KIF19: variants seen among roughly 807,000 people sequenced by gnomAD.
KIF19 encodes the protein kinesin-like protein KIF19.
Under a neutral mutation model 106.6 loss-of-function variants are expected in KIF19, and 98 were observed. The observed-to-expected ratio is 0.92, with a 90% CI of 0.78 to 1.09. The LOEUF (loss-of-function observed/expected upper bound fraction) is 1.09. Ranked by LOEUF, KIF19 falls within the 50% of genes least tolerant of loss-of-function variation. KIF19 has a pLI of 0.00. For synonymous variants in KIF19, 516 were observed against 584.2 expected, an observed-to-expected ratio of 0.88 and a Z score of 1.68; for missense variants, 1,373 against 1,414.3, an observed-to-expected ratio of 0.97 and a Z score of 0.47.
rs577100138 is a variant in KIF19, at chr17:74,342,943, C to A, written c.320-81C>A. 1.2e-5 allele frequency: 17 copies of A among 1,472,944 alleles called. No individual in the cohort carries two copies. In the East Asian group the frequency reaches 2.2e-4, roughly 19 times the overall value. The allele number at this position is 1,472,944 out of a possible 1,614,324, so 91.2% of individuals were successfully genotyped here. A position where few individuals can be genotyped will look rare whatever the true frequency, so the allele number is the denominator to read the frequency against. On this transcript the variant is annotated intron_variant, in intron 4 of 19. Coordinates refer to ENST00000389916, the MANE Select transcript of KIF19 (RefSeq NM_153209.4). ...GAGAGGGCCCAGCCTTGAGGACAAA[C>A]CCCGGTTTCCAGGAGTGCCTGCCCA...
chr17:74,352,714 C>T (rs866220874), intron 14 of KIF19, 107 bp from the exon 15 acceptor site: 14 of 1,417,198 alleles, frequency 9.9e-6, no homozygotes, highest in Middle Eastern at 1.8e-4. Context: ...TCTGGGGCTC[C>T]CAGGCCATCT....
intron 7 of KIF19, 136 bp downstream of exon 7, chr17:74,345,091 C>G: frequency 1.2e-6 from 1 of 844,250 alleles, no homozygotes; most frequent in Non-Finnish European, 1.8e-6. Context: ...GACAGGGACG[C>G]TGGCATCTCA....
At chr17:74,326,426 G>A (rs998201011) in intron 1 of KIF19, 38 bp downstream of exon 1, 1 of 1,602,008 alleles carries the variant, frequency 6.2e-7, no homozygotes, top group African/African-American at 1.3e-5. Context: ...ACCCCGCTCC[G>A]TGGTCTACTT....
chr17:74,336,117 G>A (rs903040658), intron 2 of KIF19, among the ~76,000 whole-genome samples: 21 of 152,152 alleles, frequency 1.4e-4, no homozygotes, highest in African/African-American at 4.8e-4. Flanking sequence ...GACCCAGGCT[G>A]GATTGCAGTG....
Position 74,326,315 on chromosome 17 carries a change from G to A in KIF19, c.-35G>A, listed in dbSNP as rs1372064416. On this transcript the variant is annotated 5_prime_UTR_variant, in exon 1 of 20. It adds an upstream start codon to the 5' untranslated region. Coordinates refer to ENST00000389916, the MANE Select transcript of KIF19 (RefSeq NM_153209.4). ...TGGGGGTGCGGCTGAGCCATGCCCG[G>A]TGGCGCGGCCTGAGCCCCTCCACCT... 4.4e-6 allele frequency: 7 copies of A among 1,597,484 alleles called. No homozygotes were observed. The highest frequency in any genetic ancestry group is 5.1e-6 in the Non-Finnish European group (6 of 1,174,028).
chr17:74,343,232 G>A (rs2054434197), intron 5 of KIF19, 72 bp downstream of exon 5: 3 of 1,504,314 alleles, frequency 2.0e-6, no homozygotes, highest in Non-Finnish European at 2.7e-6. Context: ...CAGCTTCCCG[G>A]GGCGCTCATC....
chr17:74,328,329 C>A, intron 1 of KIF19, 96 bp from the exon 2 acceptor site: 1 of 1,135,920 alleles, frequency 8.8e-7, no homozygotes, highest in Non-Finnish European at 1.3e-6. Context: ...CCTGAGATGG[C>A]TGAATGCTAG....
chr17:74,348,244 T>C (rs987579089), intron 9 of KIF19, among the ~76,000 whole-genome samples: 3 of 152,254 alleles, frequency 2.0e-5, no homozygotes, highest in Non-Finnish European at 4.4e-5. Flanking sequence ...GCAAGCTTCA[T>C]TGAGCACTTG....
At chr17:74,335,666 C>T (rs1298117964) in intron 2 of KIF19, among the ~76,000 whole-genome samples, 1 of 152,262 alleles carries the variant, frequency 6.6e-6, no homozygotes, top group East Asian at 1.9e-4. Context: ...GAGCCTGGAG[C>T]TGCAGCAGCA....
rs758742639 is a variant in KIF19 at position 74,350,739 on chromosome 17, A to T, written c.1421A>T (p.Lys474Ile). Residue 474 changes from lysine to isoleucine, a missense_variant, in exon 12 of 20, where the codon AAA becomes ATA. By Grantham distance (102) the Lys-to-Ile change is moderately radical. Coordinates refer to ENST00000389916, the MANE Select transcript of KIF19 (RefSeq NM_153209.4). ...CATGAGAAGTCCCGCCGGGCCCTCA[A>T]ATGGCGGGAGGAGCAGCGAAAGGAG... ...WKHEKSRRAL[K>I]WREEQRKECY... is the part of the protein sequence containing the mutation. The T allele has an allele frequency of 6.2e-7, 1 of 1,613,920 alleles. No homozygotes were observed. The highest frequency in any genetic ancestry group is 1.7e-5 in the Admixed American group (1 of 60,024).
rs570572769 is a variant in KIF19 at position 74,354,902 on chromosome 17, C to A, written c.2827C>A (p.Pro943Thr). ...CCGGCATCTGGGAAAGGTCACGCTACCTTTGGCCAAAGTCAAACTCCCTCC... is the reference window on the plus strand; with the variant it reads ...CCGGCATCTGGGAAAGGTCACGCTAACTTTGGCCAAAGTCAAACTCCCTCC... ...GIRHLGKVTL[P>T]LAKVKLPPSQ... The change falls in exon 19 of 20, where the codon CCT (proline) becomes ACT (threonine). Residue 943 changes from proline to threonine, a missense_variant. Around this residue, in one of 3 missense-constraint regions of KIF19, gnomAD observed 1,020 missense variants for 1,008.2 expected, o/e 1.01. Transcript: ENST00000389916. 13 of 1,573,804 alleles carry A rather than the reference C, an allele frequency of 8.3e-6. No homozygotes were observed. The highest frequency in any genetic ancestry group is 4.1e-5 in the African/African-American group (3 of 73,954).
chr17:74,335,725 T>C (rs761776765), intron 2 of KIF19, among the ~76,000 whole-genome samples: 7 of 152,362 alleles, frequency 4.6e-5, no homozygotes, highest in South Asian at 2.1e-4. Context: ...CCGCCTCCCA[T>C]GTGAGCAAAG....
At chr17:74,351,796 T>G (rs3874788) in intron 12 of KIF19, 71 bp from the exon 13 acceptor site, 1,250,893 of 1,355,174 alleles carry the variant, frequency 0.92, 579,001 homozygotes, top group Non-Finnish European at 0.94. Context: ...CGCTGGAGGG[T>G]CGAGGACGAG....
chr17:74,353,433 T>C, intron 16 of KIF19, 61 bp from the exon 17 acceptor site: 1 of 1,514,562 alleles, frequency 6.6e-7, no homozygotes, highest in South Asian at 1.2e-5. Flanking sequence ...CTCTGCTGAG[T>C]GGGGCATGGG....
chr17:74,328,647 G>C (rs1187365958), intron 2 of KIF19, 142 bp downstream of exon 2: 16 of 647,462 alleles, frequency 2.5e-5, no homozygotes, highest in Middle Eastern at 5.1e-4. Flanking sequence ...TGCTGTTGAT[G>C]ACATCACCAA....
chr17:74,354,619 G>T (rs1364127345), intron 18 of KIF19, 60 bp downstream of exon 18: 2 of 1,547,608 alleles, frequency 1.3e-6, no homozygotes, highest in African/African-American at 2.7e-5. Flanking sequence ...AGGCCTGAGG[G>T]CTGGATTTCT....
intron 3 of KIF19, 78 bp from the exon 4 acceptor site, chr17:74,342,550 CAG>C: frequency 9.2e-7 from 1 of 1,087,084 alleles, no homozygotes; most frequent in Non-Finnish European, 1.4e-6. Context: ...CCTCTCCTAT[CAG>C]AGGTCAGGAA....
At chr17:74,332,587 C>A (rs1340165289) in intron 2 of KIF19, among the ~76,000 whole-genome samples, 1 of 152,200 alleles carries the variant, frequency 6.6e-6, no homozygotes, top group East Asian at 1.9e-4. Context: ...TGCTGCCACC[C>A]CCCTCTGCTC....
intron 17 of KIF19, 115 bp from the exon 18 acceptor site, chr17:74,354,047 A>G: frequency 8.4e-7 from 1 of 1,186,796 alleles, no homozygotes; most frequent in Non-Finnish European, 1.2e-6. Context: ...AACCCCTGGA[A>G]GTGCTAGGAT....
Sources: gnomAD v4.1 joint callset for allele counts (sites outside exome capture counted in the v4.1 genomes callset) on GRCh38, gnomAD v4.1.1 for gene constraint, gnomAD v4.1.1 regional missense constraint, MANE v1.5 for transcripts, NCBI Gene and HGNC (gene_info 2026-07-23, HGNC 2026-07-21) for gene names.